ZC3H3: variants seen among roughly 807,000 people sequenced by gnomAD.
The protein encoded by ZC3H3 is zinc finger CCCH-type containing 3, also known as zinc finger CCCH domain-containing protein 3.
In ZC3H3, 36 loss-of-function variants were observed where a neutral mutation model predicts 77.3. That is an observed-to-expected ratio of 0.47 (90% CI 0.36 to 0.61). The LOEUF is 0.61. Among genes scored for constraint, ZC3H3 ranks in the 20% least tolerant of loss-of-function variants. ZC3H3 has a pLI of 0.00. For synonymous variants in ZC3H3, 626 were observed against 555.2 expected, an observed-to-expected ratio of 1.13 and a Z score of -1.79; for missense variants, 1,331 against 1,312.2, an observed-to-expected ratio of 1.01 and a Z score of -0.22.
chr8:143,516,525 T>TCACACACACACACACACACACACA (rs57359541), intron 3 of ZC3H3, among the ~76,000 whole-genome samples: 1 of 139,918 alleles, frequency 7.1e-6, no homozygotes, highest in Non-Finnish European at 1.5e-5. Context: ...AACTTTGCAA[T>TCACACACACACACACACACACACA]CACACACACA....
chr8:143,507,256 TG>T (rs1323705130), intron 4 of ZC3H3, among the ~76,000 whole-genome samples: 2 of 151,534 alleles, frequency 1.3e-5, no homozygotes, highest in African/African-American at 4.9e-5. Context: ...AGAGTGCGAG[TG>T]GGGGCCAGAA....
rs1204914902 is a variant in ZC3H3, at chr8:143,492,679, G to A, written c.1715+15067C>T. Among the ~76,000 whole-genome samples the A allele has an allele frequency of 4.6e-5, 7 of 152,140 alleles. No individual in the cohort carries two copies. The South Asian group carries it at 6.2e-4, about 14-fold the overall frequency. On this transcript the variant is annotated intron_variant, in intron 4 of 11. Transcript: ENST00000262577. Reference sequence around the variant, plus strand: ...GATCAGAACAGCAAAGGAAGAAGGCGCCCTGGCCCAGGGGCTCCCTCCTCA... The same window carrying A: ...GATCAGAACAGCAAAGGAAGAAGGCACCCTGGCCCAGGGGCTCCCTCCTCA...
intron 9 of ZC3H3, among the ~76,000 whole-genome samples, chr8:143,442,207 C>T (rs1432216898): frequency 4.6e-5 from 7 of 152,102 alleles, no homozygotes; most frequent in East Asian, 1.9e-4. Flanking sequence ...GTGTGGCCCC[C>T]GCCATACCCC....
At chr8:143,474,668 G>A (rs1468222344) in intron 5 of ZC3H3, among the ~76,000 whole-genome samples, 1 of 152,178 alleles carries the variant, frequency 6.6e-6, no homozygotes, top group Non-Finnish European at 1.5e-5. Flanking sequence ...GGCGGGTCGG[G>A]GAGCCAGCAT....
rs2924509 is a variant in ZC3H3, at chr8:143,507,615, G to A, written c.1715+131C>T. The A allele has an allele frequency of 5.9e-3, 6,633 of 1,118,728 alleles. 276 individuals are homozygous for A. In the African/African-American group the frequency reaches 0.096, roughly 16 times the overall value. The allele number at this position is 1,118,728 out of a possible 1,614,324, so 69.3% of individuals were successfully genotyped here. On this transcript the variant is annotated intron_variant, in intron 4 of 11. Coordinates refer to ENST00000262577, the MANE Select transcript of ZC3H3 (RefSeq NM_015117.3). ...AAAATCAGGCTGGTCCCCAGCCAAC[G>A]AGCCCAACACCAAGCAGTTCTGGGA...
intron 3 of ZC3H3, among the ~76,000 whole-genome samples, 164 bp from the exon 4 acceptor site, chr8:143,508,063 C>T (rs1317723606): frequency 1.3e-5 from 2 of 152,250 alleles, no homozygotes; most frequent in Admixed American, 1.3e-4. Flanking sequence ...CACACACATC[C>T]CCAGGGCGCC....
In ZC3H3 at chr8:143,530,454, G is replaced by A. The variant is rs138884390; in HGVS notation, c.1561+5803C>T. Among the ~76,000 whole-genome samples, 9 of 152,258 alleles carry A rather than the reference G, an allele frequency of 5.9e-5. No homozygotes were observed. In the East Asian group the frequency reaches 7.7e-4, roughly 13 times the overall value. ...TTTTCCCTGGCGTAAAATAGCAGAC[G>A]TTTCCATGTGGCTGGTAGGAATCCC... On this transcript the variant is annotated intron_variant, in intron 3 of 11. Transcript: ENST00000262577. This position sits in a 1 kb window ranked among gnomAD's most constrained non-coding sequence, Gnocchi z 4.3.
chr8:143,445,995 C>T (rs1327832242), intron 9 of ZC3H3, among the ~76,000 whole-genome samples: 1 of 152,218 alleles, frequency 6.6e-6, no homozygotes, highest in African/African-American at 2.4e-5. Context: ...CATGGTTTGG[C>T]TCAGGGACAA....
chr8:143,468,437 G>C lies in ZC3H3; in HGVS notation c.2050C>G (p.Arg684Gly). ...MYYNRFGRCN[R>G]GERCPYIHDP... ...TGGATGTAGGGGCAGCGCTCGCCACGGTTGCACCTGCCGAAGCGGTTGTAG... is the reference window on the plus strand; with the variant it reads ...TGGATGTAGGGGCAGCGCTCGCCACCGTTGCACCTGCCGAAGCGGTTGTAG... Residue 684 changes from arginine (R) to glycine (G), a missense_variant, in exon 7 of 12, where the codon CGT (arginine) becomes GGT (glycine). Arg to Gly is a moderately radical substitution (Grantham distance 125, BLOSUM62 -2). Coordinates refer to ENST00000262577, the MANE Select transcript of ZC3H3 (RefSeq NM_015117.3). 1 of 1,610,994 alleles carries C rather than the reference G, an allele frequency of 6.2e-7. No individual in the cohort carries two copies. Among genetic ancestry groups the C allele is most frequent in the East Asian group, 2.2e-5 (1 of 44,758 alleles).
At chr8:143,447,016 C>G (rs531488051) in intron 9 of ZC3H3, among the ~76,000 whole-genome samples, 1 of 152,252 alleles carries the variant, frequency 6.6e-6, no homozygotes, top group Non-Finnish European at 1.5e-5. Context: ...CCTGTGCTTG[C>G]GGAGCTGACA....
rs754157880 is a variant in ZC3H3 at position 143,536,367 on chromosome 8, C to A, written c.1451G>T (p.Gly484Val). Residue 484 changes from glycine (G) to valine (V), a missense_variant, in exon 3 of 12, where the codon GGG (glycine) becomes GTG (valine). Transcript: ENST00000262577. ...CTTCTTCAGGACAGGGCTGCTCTTC[C>A]CCCTGAGGGCCTGTCTCCGCCGGAG... is the stretch of plus-strand genomic sequence containing the variant. ...LSLRRRQALR[G>V]KSSPVLKKTP... is the part of the protein sequence containing the mutation. 6.3e-7 allele frequency: 1 copy of A among 1,597,780 alleles called. No homozygotes were observed. Among genetic ancestry groups the A allele is most frequent in the Non-Finnish European group, 8.5e-7 (1 of 1,172,048 alleles).
At chr8:143,438,167 C>A in intron 11 of ZC3H3, 80 bp from the exon 12 acceptor site, 1 of 1,543,502 alleles carries the variant, frequency 6.5e-7, no homozygotes, top group Non-Finnish European at 8.8e-7. Flanking sequence ...TGATCGGGCT[C>A]AGGATCGGGG....
intron 3 of ZC3H3, among the ~76,000 whole-genome samples, chr8:143,531,925 C>G (rs955835977): frequency 6.6e-6 from 1 of 152,210 alleles, no homozygotes. Flanking sequence ...AGAAATGGCC[C>G]GGCTCTTAGC....
At chr8:143,449,689 G>A (rs77485959) in intron 9 of ZC3H3, among the ~76,000 whole-genome samples, 27,185 of 152,090 alleles carry the variant, frequency 0.18, 3,088 homozygotes, top group East Asian at 0.42. Flanking sequence ...AGTGAGCTGA[G>A]ATTGCGCCAC....
rs376345186 is a variant in ZC3H3 at position 143,538,005 on chromosome 8, T to C, written c.1362A>G (p.Thr454=). 1.0e-5 allele frequency: 16 copies of C among 1,597,618 alleles called. No homozygotes were observed. Among genetic ancestry groups the C allele is most frequent in the African/African-American group, 1.3e-5 (1 of 74,740 alleles). ...RTKIIRRRSS[T]SLPGDKKSGT... ...CCGCAGCCGGCCGGGATGCCCACCT[T>C]GTGCTGCTGCGTCTCCGGATGATCT... The change falls in exon 2 of 12, where the codon ACA becomes ACG. Residue 454 remains threonine, a splice_region_variant and synonymous_variant. Transcript: ENST00000262577.
chr8:143,470,567 G>A (rs904876792), intron 5 of ZC3H3, among the ~76,000 whole-genome samples: 5 of 152,172 alleles, frequency 3.3e-5, no homozygotes, highest in East Asian at 1.9e-4. Context: ...GCGGTCTGTC[G>A]GCACTGCTGG....
rs1455531433 is a variant in ZC3H3 at position 143,488,677 on chromosome 8, TTAGG to T, written c.1716-13096_1716-13093del. Among the ~76,000 whole-genome samples the T allele has an allele frequency of 2.0e-5, 3 of 152,316 alleles. No homozygotes were observed. The East Asian group carries it at 5.8e-4, about 29-fold the overall frequency. ...GGAAGCTTCCAGAACTCATGCCATC[TTAGG>T]TAGGAAAGGCTGTTCTCAGCACATC... On this transcript the variant is annotated intron_variant, in intron 4 of 11. Transcript: ENST00000262577.
At chr8:143,498,669 G>A (rs1390283181) in intron 4 of ZC3H3, among the ~76,000 whole-genome samples, 2 of 151,698 alleles carry the variant, frequency 1.3e-5, no homozygotes. Context: ...ACTGCTGTGT[G>A]GACCAAGCAG....
chr8:143,440,511 T>C, intron 10 of ZC3H3, 148 bp from the exon 11 acceptor site: 1 of 1,386,964 alleles, frequency 7.2e-7, no homozygotes, highest in Non-Finnish European at 9.3e-7. Flanking sequence ...GCCTGGCCCT[T>C]GGCCGCAAGG....
Sources: gnomAD v4.1 joint callset for allele counts (sites outside exome capture counted in the v4.1 genomes callset) on GRCh38, gnomAD v4.1.1 for gene constraint, Gnocchi (gnomAD v3.1) non-coding constraint, MANE v1.5 for transcripts, NCBI Gene and HGNC (gene_info 2026-07-23, HGNC 2026-07-21) for gene names.